Variants in XYLT1 observed in about 807,000 individuals in gnomAD.
XYLT1 encodes the protein xylosyltransferase 1.
In XYLT1, 36 loss-of-function variants were observed where a neutral mutation model predicts 91.3. The ratio of observed to expected loss-of-function variants is 0.39; its 90% CI spans 0.30 to 0.52. The LOEUF is 0.52. Ranked by LOEUF, XYLT1 falls within the 20% of genes least tolerant of loss-of-function variation. The pLI is 0.68. For missense variants in XYLT1, 1,242 were observed against 1,284.5 expected (o/e 0.97, Z 0.51); for synonymous variants, 588 against 532.0 (o/e 1.11, Z -1.45).
At chr16:17,137,257 T>C (rs2030767974) in intron 8 of XYLT1, among the ~76,000 whole-genome samples, 2 of 152,112 alleles carry the variant, frequency 1.3e-5, no homozygotes, top group Admixed American at 6.5e-5. Context: ...TTTCCTTACC[T>C]GAACAATAAA....
chr16:17,145,443 G>A (rs988240884), intron 6 of XYLT1, among the ~76,000 whole-genome samples: 5 of 152,172 alleles, frequency 3.3e-5, no homozygotes, highest in African/African-American at 4.8e-5. Flanking sequence ...GATTGTTGCT[G>A]GAGTTAGTGA....
intron 1 of XYLT1, among the ~76,000 whole-genome samples, chr16:17,414,753 T>G (rs13337788): frequency 6.6e-6 from 1 of 152,184 alleles, no homozygotes; most frequent in Non-Finnish European, 1.5e-5. Context: ...AGGTCACCCC[T>G]GCCACCACCT....
At chr16:17,405,867 C>T (rs912035538) in intron 1 of XYLT1, among the ~76,000 whole-genome samples, 1 of 152,156 alleles carries the variant, frequency 6.6e-6, no homozygotes, top group Non-Finnish European at 1.5e-5. Flanking sequence ...CCTATCCATA[C>T]AGAGGGGGGA....
intron 2 of XYLT1, among the ~76,000 whole-genome samples, chr16:17,299,299 T>C (rs2034359470): frequency 6.6e-6 from 1 of 152,216 alleles, no homozygotes; most frequent in South Asian, 2.1e-4. Flanking sequence ...CAAATGTGAA[T>C]TGGGGGAAAT....
chr16:17,469,560 T>TCC (rs1386135856), intron 1 of XYLT1, among the ~76,000 whole-genome samples: 6 of 152,042 alleles, frequency 3.9e-5, no homozygotes, highest in African/African-American at 1.4e-4. Context: ...ACAAGTCAGT[T>TCC]CCCCACCCAG....
chr16:17,398,892 T>C (rs1006421332), intron 1 of XYLT1, among the ~76,000 whole-genome samples: 1 of 140,456 alleles, frequency 7.1e-6, no homozygotes, highest in African/African-American at 2.6e-5. Context: ...TCACCCAGGC[T>C]GGAGTGCAGT....
chr16:17,369,888 C>T (rs759037493), intron 1 of XYLT1, among the ~76,000 whole-genome samples: 1 of 152,208 alleles, frequency 6.6e-6, no homozygotes, highest in Non-Finnish European at 1.5e-5. Flanking sequence ...GAAGGAAGTG[C>T]TCTCATCACC....
At chr16:17,338,472 G>A in intron 2 of XYLT1, 1 of 456,472 alleles carries the variant, frequency 2.2e-6, no homozygotes, top group South Asian at 1.5e-5. Flanking sequence ...CGGGCTGGCT[G>A]GAAAGACTTT....
intron 3 of XYLT1, among the ~76,000 whole-genome samples, chr16:17,229,845 AT>A (rs1195264456): frequency 6.6e-6 from 1 of 152,236 alleles, no homozygotes. Context: ...ATGTGATCTT[AT>A]TTAGAAATAC....
At chr16:17,431,691 T>C (rs1259751665) in intron 1 of XYLT1, among the ~76,000 whole-genome samples, 1 of 152,224 alleles carries the variant, frequency 6.6e-6, no homozygotes, top group Non-Finnish European at 1.5e-5. Flanking sequence ...AACACGGACA[T>C]ATAGCGATCA....
chr16:17,123,045 T>C (rs9924788), intron 10 of XYLT1, among the ~76,000 whole-genome samples: 135,064 of 152,116 alleles, frequency 0.89, 60,822 homozygotes, highest in Non-Finnish European at 0.96. Context: ...CTTAGTCTTG[T>C]TTTGGCTATG....
Position 17,105,369 on chromosome 16 carries a change from T to G in XYLT1, c.*3326A>C, listed in dbSNP as rs1966760226. On this transcript the variant is annotated 3_prime_UTR_variant, in exon 12 of 12. Coordinates refer to ENST00000261381, the MANE Select transcript of XYLT1 (RefSeq NM_022166.4). The stretch of plus-strand genomic sequence containing the variant: ...TAAACTCCATTTGCGTTTTAGAAGT[T>G]AAACCCACAATGAGAAATGAAGCCG... 6.6e-6 allele frequency: 1 copy of G among 152,270 alleles called. No individual in the cohort carries two copies. The highest frequency in any genetic ancestry group is 2.1e-4 in the South Asian group (1 of 4,820). The allele number at this position is 152,270 out of a possible 1,614,324, so 9.4% of individuals were successfully genotyped here. A position where few individuals can be genotyped will look rare whatever the true frequency, so the allele number is the denominator to read the frequency against.
At chr16:17,317,778 A>G (rs7197218) in intron 2 of XYLT1, among the ~76,000 whole-genome samples, 3,787 of 152,092 alleles carry the variant, frequency 0.025, 158 homozygotes, top group African/African-American at 0.086. Context: ...GATGTCCTAC[A>G]GGATCTAGCT....
At chr16:17,286,305 G>A (rs905509538) in intron 2 of XYLT1, among the ~76,000 whole-genome samples, 1 of 152,134 alleles carries the variant, frequency 6.6e-6, no homozygotes, top group East Asian at 1.9e-4. Flanking sequence ...TGGGAGGCTG[G>A]GGAGGGAGGT....
chr16:17,461,330 T>C (rs989470098), intron 1 of XYLT1, among the ~76,000 whole-genome samples: 9 of 152,192 alleles, frequency 5.9e-5, no homozygotes, highest in Non-Finnish European at 1.0e-4. Context: ...GGAAAGGGTA[T>C]AGGCAATGAA....
At chr16:17,198,901 C>G (rs144636714) in intron 4 of XYLT1, among the ~76,000 whole-genome samples, 1 of 152,136 alleles carries the variant, frequency 6.6e-6, no homozygotes, top group Non-Finnish European at 1.5e-5. Context: ...TGCGCCACCA[C>G]GCCCAGCTAA....
chr16:17,350,407 G>A (rs1394067300), intron 2 of XYLT1, among the ~76,000 whole-genome samples: 2 of 152,166 alleles, frequency 1.3e-5, no homozygotes, highest in Non-Finnish European at 2.9e-5. Flanking sequence ...CCAGGAGATC[G>A]CAGATCCTCT....
At chr16:17,438,287 C>T (rs544027607) in intron 1 of XYLT1, among the ~76,000 whole-genome samples, 4 of 152,218 alleles carry the variant, frequency 2.6e-5, no homozygotes, top group Admixed American at 2.6e-4. Flanking sequence ...TGACCCAACC[C>T]ATAGCATTTT....
At chr16:17,390,345 C>T (rs549617376) in intron 1 of XYLT1, among the ~76,000 whole-genome samples, 97 of 152,154 alleles carry the variant, frequency 6.4e-4, no homozygotes, top group Admixed American at 1.4e-3. Flanking sequence ...ATTAATACTT[C>T]GGGGTGGGGA....
Sources: allele counts gnomAD v4.1 joint callset (sites outside exome capture counted in the v4.1 genomes callset), GRCh38; gene constraint gnomAD v4.1.1; transcripts MANE v1.5; gene names NCBI Gene and HGNC (gene_info 2026-07-23, HGNC 2026-07-21).